The following STARD13 variants were observed in gnomAD, a reference collection of about 807,000 sequenced individuals.
STARD13 encodes stAR-related lipid transfer protein 13.
In STARD13, 62 loss-of-function variants were observed where a neutral mutation model predicts 106.4. The ratio of observed to expected loss-of-function variants is 0.58; its 90% CI spans 0.48 to 0.72. The LOEUF (loss-of-function observed/expected upper bound fraction) is 0.72, where lower values mean the gene tolerates loss of function less well. STARD13 is among the 30% of genes least tolerant of loss of function. The pLI is 0.00. For synonymous variants in STARD13, 565 were observed against 553.0 expected, an observed-to-expected ratio of 1.02 and a Z score of -0.31; for missense variants, 1,387 against 1,424.0, an observed-to-expected ratio of 0.97 and a Z score of 0.42.
At chr13:33,552,003 T>C in the STARD13 span, among the ~76,000 whole-genome samples, 1 of 152,168 alleles carries the variant, frequency 6.6e-6, no homozygotes, top group South Asian at 2.1e-4. Flanking sequence ...AATACACTAA[T>C]ATTAGACAAA....
chr13:33,364,745 C>A, the STARD13 span, among the ~76,000 whole-genome samples: 1 of 152,220 alleles, frequency 6.6e-6, no homozygotes, highest in South Asian at 2.1e-4. Context: ...GAAAATTAGC[C>A]AGGCGTGGTG....
At chr13:33,462,745 CCTT>C in the STARD13 span, among the ~76,000 whole-genome samples, 8,970 of 152,242 alleles carry the variant, frequency 0.059, 353 homozygotes, top group East Asian at 0.14. Flanking sequence ...GCTCCTTCCA[CCTT>C]CTTCTGCCTG....
intron 1 of STARD13, among the ~76,000 whole-genome samples, chr13:33,290,791 A>C (rs529646428): frequency 1.3e-5 from 2 of 152,298 alleles, no homozygotes; most frequent in Non-Finnish European, 2.9e-5. Context: ...TACTACACCC[A>C]CGCACTCCAG....
chr13:33,530,465 CA>C, the STARD13 span, among the ~76,000 whole-genome samples: 1,230 of 147,748 alleles, frequency 8.3e-3, 13 homozygotes, highest in Middle Eastern at 0.061. Context: ...CCCCTTCATA[CA>C]TTTTTTTATG....
the STARD13 span, among the ~76,000 whole-genome samples, chr13:33,620,401 G>C: frequency 6.6e-6 from 1 of 150,650 alleles, no homozygotes; most frequent in Non-Finnish European, 1.5e-5. Flanking sequence ...TCCTGCCTCC[G>C]CCTCCCAAGT....
At chr13:33,660,524 T>A in the STARD13 span, among the ~76,000 whole-genome samples, 2 of 152,008 alleles carry the variant, frequency 1.3e-5, no homozygotes, top group Non-Finnish European at 2.9e-5. Context: ...CATTTGGGGG[T>A]GGTTCTCTCT....
the STARD13 span, among the ~76,000 whole-genome samples, chr13:33,493,856 G>T: frequency 6.6e-6 from 1 of 152,096 alleles, no homozygotes; most frequent in Non-Finnish European, 1.5e-5. Context: ...GTTGTTGGCT[G>T]CACCCAAGGT....
chr13:33,156,615 T>C (rs1449927541), intron 3 of STARD13, among the ~76,000 whole-genome samples: 1 of 152,218 alleles, frequency 6.6e-6, no homozygotes, highest in Non-Finnish European at 1.5e-5. Flanking sequence ...GGGCACATTC[T>C]TTTACCCCTC....
At chr13:33,538,399 A>G in the STARD13 span, among the ~76,000 whole-genome samples, 1 of 152,202 alleles carries the variant, frequency 6.6e-6, no homozygotes, top group African/African-American at 2.4e-5. Flanking sequence ...TTCAGGGCCC[A>G]CGAAAGAGGG....
the STARD13 span, among the ~76,000 whole-genome samples, chr13:33,612,301 T>C: frequency 6.6e-6 from 1 of 152,180 alleles, no homozygotes; most frequent in South Asian, 2.1e-4. Context: ...CAACAGTGCC[T>C]TGGTAAGAAT....
chr13:33,521,783 A>G, the STARD13 span, among the ~76,000 whole-genome samples: 1 of 152,270 alleles, frequency 6.6e-6, no homozygotes, highest in Non-Finnish European at 1.5e-5. Flanking sequence ...TTCTGTCCCT[A>G]TCATGAATGA....
At chr13:33,464,678 G>C in the STARD13 span, among the ~76,000 whole-genome samples, 3 of 152,110 alleles carry the variant, frequency 2.0e-5, no homozygotes, top group Non-Finnish European at 4.4e-5. Context: ...GCACAAACTG[G>C]TCTCTACTAA....
chr13:33,255,581 C>A (rs868095374), intron 1 of STARD13, among the ~76,000 whole-genome samples: 6 of 152,064 alleles, frequency 3.9e-5, no homozygotes, highest in Non-Finnish European at 7.3e-5. Context: ...AGAGATGATT[C>A]CTCTCTTCTT....
At chr13:33,220,926 G>A (rs945408160) in intron 1 of STARD13, among the ~76,000 whole-genome samples, 1 of 152,122 alleles carries the variant, frequency 6.6e-6, no homozygotes, top group African/African-American at 2.4e-5. Context: ...ACAGATGAGA[G>A]ATTTACTGAA....
At chr13:33,519,571 C>T in the STARD13 span, among the ~76,000 whole-genome samples, 1 of 151,912 alleles carries the variant, frequency 6.6e-6, no homozygotes, top group Non-Finnish European at 1.5e-5. Flanking sequence ...TAGAGTTGAA[C>T]CCAATCTCTT....
At chr13:33,480,737 A>G in the STARD13 span, among the ~76,000 whole-genome samples, 2 of 152,164 alleles carry the variant, frequency 1.3e-5, no homozygotes, top group Non-Finnish European at 2.9e-5. Flanking sequence ...AAGGCTTAGA[A>G]ACAATGACTA....
chr13:33,645,027 T>C, the STARD13 span, among the ~76,000 whole-genome samples: 1 of 152,172 alleles, frequency 6.6e-6, no homozygotes, highest in African/African-American at 2.4e-5. Flanking sequence ...TTGTGGTAGA[T>C]TGCTTCCAAA....
chr13:33,560,992 A>G, the STARD13 span, among the ~76,000 whole-genome samples: 1 of 151,512 alleles, frequency 6.6e-6, no homozygotes, highest in Non-Finnish European at 1.5e-5. Flanking sequence ...GGCATTACTA[A>G]GCTTTATAAA....
intron 1 of STARD13, chr13:33,281,478 A>C (rs1300609208): frequency 6.6e-6 from 1 of 151,442 alleles, no homozygotes; most frequent in Non-Finnish European, 1.5e-5. Context: ...ATCATGTTGC[A>C]CTAAATCAAA....
Sources: allele counts gnomAD v4.1 joint callset (sites outside exome capture counted in the v4.1 genomes callset), GRCh38; gene constraint gnomAD v4.1.1; transcripts MANE v1.5; gene names NCBI Gene and HGNC (gene_info 2026-07-23, HGNC 2026-07-21).